SCHIP1: variants seen among roughly 807,000 people sequenced by gnomAD.
SCHIP1 encodes schwannomin-interacting protein 1.
Under a neutral mutation model 29.7 loss-of-function variants are expected in SCHIP1, and 8 were observed. That is an observed-to-expected ratio of 0.27 (90% CI 0.16 to 0.49). The LOEUF (loss-of-function observed/expected upper bound fraction) is 0.49. Among genes scored for constraint, SCHIP1 ranks in the 20% least tolerant of loss-of-function variants. The pLI, the probability that SCHIP1 is intolerant of heterozygous loss-of-function variation, is 0.99. For synonymous variants in SCHIP1, 76 were observed against 94.9 expected (o/e 0.80, Z 1.16); for missense variants, 193 against 294.6 (o/e 0.66, Z 2.52).
chr3:159,496,946 TC>T, the SCHIP1 span, among the ~76,000 whole-genome samples: 1 of 152,166 alleles, frequency 6.6e-6, no homozygotes, highest in African/African-American at 2.4e-5. Context: ...TAAGTTCATG[TC>T]CTTTGTAGCG....
the SCHIP1 span, among the ~76,000 whole-genome samples, chr3:159,486,915 G>T: frequency 6.6e-6 from 1 of 152,200 alleles, no homozygotes. Flanking sequence ...TATTTAATTG[G>T]ATATATTGTT....
chr3:159,617,721 A>T, the SCHIP1 span, among the ~76,000 whole-genome samples: 2 of 152,080 alleles, frequency 1.3e-5, no homozygotes, highest in Non-Finnish European at 2.9e-5. Flanking sequence ...TACCCCCCCT[A>T]GGAAGAGGGT....
At chr3:159,730,468 C>T in the SCHIP1 span, among the ~76,000 whole-genome samples, 1 of 152,200 alleles carries the variant, frequency 6.6e-6, no homozygotes, top group African/African-American at 2.4e-5. Flanking sequence ...ATTATTATTA[C>T]TGTATGAAAT....
At chr3:159,638,641 G>A in the SCHIP1 span, among the ~76,000 whole-genome samples, 2 of 151,722 alleles carry the variant, frequency 1.3e-5, no homozygotes, top group Admixed American at 1.3e-4. Flanking sequence ...ACAGCTAGAG[G>A]GGGTGCGATC....
chr3:159,715,301 A>G, the SCHIP1 span, among the ~76,000 whole-genome samples: 1 of 152,246 alleles, frequency 6.6e-6, no homozygotes, highest in Non-Finnish European at 1.5e-5. Flanking sequence ...GAGAAACCAG[A>G]GCAGAAAAGC....
the SCHIP1 span, among the ~76,000 whole-genome samples, chr3:159,396,133 G>A: frequency 7.4e-6 from 1 of 135,342 alleles, no homozygotes; most frequent in African/African-American, 2.7e-5. Context: ...TCAGAGACTA[G>A]GATTCCAACC....
chr3:159,608,327 T>C, the SCHIP1 span, among the ~76,000 whole-genome samples: 4 of 152,202 alleles, frequency 2.6e-5, no homozygotes, highest in Admixed American at 2.6e-4. Context: ...ATATGTATAT[T>C]CTCAGAAATT....
the SCHIP1 span, among the ~76,000 whole-genome samples, chr3:159,370,023 G>A: frequency 9.9e-5 from 15 of 152,224 alleles, no homozygotes; most frequent in Admixed American, 5.2e-4. Flanking sequence ...AGTACCAACC[G>A]TGTGACCTCA....
the SCHIP1 span, among the ~76,000 whole-genome samples, chr3:159,652,243 T>A: frequency 1.3e-5 from 2 of 152,218 alleles, no homozygotes; most frequent in African/African-American, 4.8e-5. Flanking sequence ...TTCAACATTA[T>A]TGGAGGAAAA....
chr3:159,842,898 T>G (rs1744366550), intron 1 of SCHIP1, among the ~76,000 whole-genome samples: 1 of 151,652 alleles, frequency 6.6e-6, no homozygotes, highest in African/African-American at 2.4e-5. Context: ...CATTACTCTC[T>G]CACTTTCTGC....
rs538401112 is a variant in SCHIP1 at position 159,850,155 on chromosome 3, C to T, written c.30+9941C>T. Among the ~76,000 whole-genome samples the T allele has an allele frequency of 1.6e-4, 24 of 152,232 alleles. No individual in the cohort carries two copies. The South Asian group carries it at 3.3e-3, about 21-fold the overall frequency. ...TTGAGGCTTCATCAGAAGAGATATG[C>T]GACAATACGTGCTGGGTGTTCCAGA... On this transcript the variant is annotated intron_variant, in intron 1 of 6. Transcript: ENST00000445224.
the SCHIP1 span, among the ~76,000 whole-genome samples, chr3:159,573,325 C>T: frequency 6.6e-6 from 1 of 152,174 alleles, no homozygotes; most frequent in Non-Finnish European, 1.5e-5. Context: ...CAAAATCTCT[C>T]AGCATTTGCT....
At chr3:159,430,664 G>A in the SCHIP1 span, among the ~76,000 whole-genome samples, 1 of 152,108 alleles carries the variant, frequency 6.6e-6, no homozygotes, top group South Asian at 2.1e-4. Flanking sequence ...ACACTCCTGG[G>A]GTGAAAGCCC....
the SCHIP1 span, among the ~76,000 whole-genome samples, chr3:159,453,065 A>G: frequency 6.6e-6 from 1 of 152,208 alleles, no homozygotes; most frequent in Non-Finnish European, 1.5e-5. Context: ...ACTGAATCCC[A>G]ACAGTGTCAG....
chr3:159,339,650 T>A, the SCHIP1 span, among the ~76,000 whole-genome samples: 1 of 152,180 alleles, frequency 6.6e-6, no homozygotes, highest in African/African-American at 2.4e-5. Context: ...TTAACAGATG[T>A]TTTAAGTCCA....
chr3:159,843,001 C>CTTCTTTTT (rs1744394617), intron 1 of SCHIP1, among the ~76,000 whole-genome samples: 1 of 63,710 alleles, frequency 1.6e-5, no homozygotes, highest in African/African-American at 4.7e-5. Flanking sequence ...ATATTTCTTT[C>CTTCTTTTT]TTTTTTTTTT....
At chr3:159,713,225 A>AGAGAAAGG in the SCHIP1 span, among the ~76,000 whole-genome samples, 184 of 117,334 alleles carry the variant, frequency 1.6e-3, no homozygotes, top group African/African-American at 6.2e-3. Flanking sequence ...AGAGAGAGAG[A>AGAGAAAGG]AAGAAAGGAA....
the SCHIP1 span, among the ~76,000 whole-genome samples, chr3:159,529,415 C>G: frequency 6.6e-6 from 1 of 152,092 alleles, no homozygotes; most frequent in African/African-American, 2.4e-5. Flanking sequence ...CTGAGCTATT[C>G]AAAAAACTAC....
chr3:159,610,578 C>G, the SCHIP1 span, among the ~76,000 whole-genome samples: 2 of 152,180 alleles, frequency 1.3e-5, no homozygotes, highest in Non-Finnish European at 2.9e-5. Flanking sequence ...TAGGGTATCT[C>G]TCTTTCCTTT....
Sources: allele counts gnomAD v4.1 joint callset (sites outside exome capture counted in the v4.1 genomes callset), GRCh38; gene constraint gnomAD v4.1.1; transcripts MANE v1.5; gene names NCBI Gene and HGNC (gene_info 2026-07-23, HGNC 2026-07-21).